MCM8: variants seen among roughly 807,000 people sequenced by gnomAD.
MCM8 encodes minichromosome maintenance 8 homologous recombination repair factor, also known as DNA helicase MCM8.
Under a neutral mutation model 98.9 loss-of-function variants are expected in MCM8, and 85 were observed. The observed-to-expected ratio is 0.86, with a 90% confidence interval of 0.72 to 1.03. The LOEUF is 1.03. MCM8 is among the 50% of genes least tolerant of loss of function. The pLI is 0.00. For missense variants in MCM8, 951 were observed against 997.8 expected, an observed-to-expected ratio of 0.95 and a Z score of 0.63; for synonymous variants, 352 against 338.6, an observed-to-expected ratio of 1.04 and a Z score of -0.44.
At chr20:5,983,562 T>C (rs1385079531) in intron 14 of MCM8, among the ~76,000 whole-genome samples, 1 of 152,062 alleles carries the variant, frequency 6.6e-6, no homozygotes, top group Non-Finnish European at 1.5e-5. Context: ...TAGCCAGGCA[T>C]GATGGCAGCC....
intron 17 of MCM8, among the ~76,000 whole-genome samples, chr20:5,992,543 A>G (rs6139886): frequency 0.069 from 10,467 of 152,210 alleles, 423 homozygotes; most frequent in Non-Finnish European, 0.097. Context: ...ATCTTAAAAG[A>G]GATTATGCTG....
intron 3 of MCM8, among the ~76,000 whole-genome samples, chr20:5,953,796 A>T (rs2122644592): frequency 6.6e-6 from 1 of 151,520 alleles, no homozygotes; most frequent in African/African-American, 2.4e-5. Flanking sequence ...TTTTAGGAAA[A>T]CTAGACGTTT....
Position 5,973,112 on chromosome 20 carries a change from T to G in MCM8, c.1311T>G (p.Asp437Glu). Residue 437 changes from aspartate (D) to glutamate (E), a missense_variant, in exon 12 of 19, where the codon GAT becomes GAG. By Grantham distance (45) the Asp-to-Glu change is conservative. Transcript: ENST00000610722. ...ALFGGSQKYA[D>E]DKNRIPIRGD... ...TTGGAGGAAGCCAGAAATACGCAGA[T>G]GACAAAAACAGAATTCCAATTCGGG... 6.2e-7 allele frequency: 1 copy of G among 1,614,218 alleles called. No homozygotes were observed. Among genetic ancestry groups the G allele is most frequent in the South Asian group, 1.1e-5 (1 of 91,080 alleles).
chr20:5,963,617 C>T (rs2122700994), intron 8 of MCM8, among the ~76,000 whole-genome samples: 1 of 150,678 alleles, frequency 6.6e-6, no homozygotes, highest in Non-Finnish European at 1.5e-5. Flanking sequence ...CAAGCTCTCC[C>T]TCTGGGTTCA....
At position 5,972,017 on chromosome 20, in the gene MCM8, C is replaced by A. The variant is rs1328714246; in HGVS notation, c.1234C>A (p.Pro412Thr). Reference protein sequence around the residue: ...LFKLIVNSLCPVIFGHELVKA... With the variant: ...LFKLIVNSLCTVIFGHELVKA... ...TGTTCTGTTTTTCAGCTCGCTTTGCCCTGTCATTTTTGGTCATGAAGTAAG... is the reference window on the plus strand; with the variant it reads ...TGTTCTGTTTTTCAGCTCGCTTTGCACTGTCATTTTTGGTCATGAAGTAAG... The change falls in exon 11 of 19, where the codon CCT (proline) becomes ACT (threonine). Residue 412 changes from proline (P) to threonine (T), a missense_variant. Transcript: ENST00000610722. The A allele has an allele frequency of 1.2e-6, 2 of 1,611,038 alleles. No individual in the cohort carries two copies. Among genetic ancestry groups the A allele is most frequent in the South Asian group, 2.2e-5 (2 of 90,584 alleles).
chr20:5,986,205 A>G, intron 16 of MCM8, 74 bp downstream of exon 16: 9 of 1,336,410 alleles, frequency 6.7e-6, no homozygotes, highest in Non-Finnish European at 9.6e-6. Context: ...CTTTTGAAGT[A>G]TTTTCTGCAT....
chr20:5,994,474 G>GACACAC lies in MCM8; in HGVS notation c.*86_*87insCACACA, dbSNP rs1361501135. 1.1e-5 allele frequency: 6 copies of GACACAC among 527,330 alleles called. No homozygotes were observed. The highest frequency in any genetic ancestry group is 9.4e-5 in the African/African-American group (3 of 31,992). The allele number at this position is 527,330 out of a possible 1,614,324, so 32.7% of individuals were successfully genotyped here. ...GAAGATATGCGTGCACGCACAGACA[G>GACACAC]ACAGACACACACACACACACACACA... On this transcript the variant is annotated 3_prime_UTR_variant, in exon 19 of 19. Transcript: ENST00000610722.
In MCM8 at chr20:5,997,406, C is replaced by G. The variant is rs2089973195; in HGVS notation, c.*3015C>G. The G allele has an allele frequency of 6.6e-6, 1 of 152,110 alleles. No individual in the cohort carries two copies. The highest frequency in any genetic ancestry group is 1.5e-5 in the Non-Finnish European group (1 of 68,078). The allele number at this position is 152,110 out of a possible 1,614,324, so 9.4% of individuals were successfully genotyped here. A position where few individuals can be genotyped will look rare whatever the true frequency, so the allele number is the denominator to read the frequency against. ...TGTTGGTGAGGCTGGTTTTTAACTCCCGAACTCAGGTGATTGCCTGCCTCG... is the reference window on the plus strand; with the variant it reads ...TGTTGGTGAGGCTGGTTTTTAACTCGCGAACTCAGGTGATTGCCTGCCTCG... On this transcript the variant is annotated 3_prime_UTR_variant, in exon 19 of 19. Transcript: ENST00000610722.
At chr20:5,990,846 A>T (rs1309456298) in intron 17 of MCM8, 1 of 152,242 alleles carries the variant, frequency 6.6e-6, no homozygotes, top group Non-Finnish European at 1.5e-5. Context: ...CTTACAGTCT[A>T]GAATGTGTGC....
At chr20:5,976,898 G>T (rs980719026) in intron 12 of MCM8, among the ~76,000 whole-genome samples, 2 of 152,194 alleles carry the variant, frequency 1.3e-5, no homozygotes, top group Non-Finnish European at 2.9e-5. Context: ...GTTGCTGTGA[G>T]CTAGGATTGT....
Position 5,985,958 on chromosome 20 carries a change from C to T in MCM8, c.1990C>T (p.Gln664Ter), listed in dbSNP as rs867775487. The T allele has an allele frequency of 1.9e-6, 3 of 1,614,074 alleles. No homozygotes were observed. Among genetic ancestry groups the T allele is most frequent in the African/African-American group, 1.3e-5 (1 of 74,926 alleles). The change falls in exon 16 of 19, where the codon CAG becomes TAG. Residue 664 changes from glutamine to a stop codon, truncating the protein, a stop_gained. Transcript: ENST00000610722. LOFTEE classifies it high-confidence loss of function. ...AGAAACAATAGATCCCATTCCCCAC[C>T]AGCTATTGAGAAAGTACATTGGCTA... ...PGETIDPIPH[Q>*]LLRKYIGYAR...
Position 5,973,039 on chromosome 20 carries a change from C to CT in MCM8, c.1255-11dup. On this transcript the variant is annotated splice_polypyrimidine_tract_variant and intron_variant, in intron 11 of 18. Transcript: ENST00000610722. ...GTTTTCCTTACTTCTGTTTTTTGTTCTTTTTTCGCACTTGAGCTTGTTAAA... is the reference window on the plus strand; with the variant it reads ...GTTTTCCTTACTTCTGTTTTTTGTTCTTTTTTTCGCACTTGAGCTTGTTAAA... 1.9e-6 allele frequency: 3 copies of CT among 1,609,528 alleles called. No individual in the cohort carries two copies. The highest frequency in any genetic ancestry group is 1.7e-6 in the Non-Finnish European group (2 of 1,177,272).
At chr20:5,962,996 G>A (rs1221684032) in intron 7 of MCM8, among the ~76,000 whole-genome samples, 1 of 152,178 alleles carries the variant, frequency 6.6e-6, no homozygotes, top group Non-Finnish European at 1.5e-5. Flanking sequence ...GAAGCAATAA[G>A]TGCTTCATGT....
intron 7 of MCM8, among the ~76,000 whole-genome samples, chr20:5,960,867 A>G (rs1054466283): frequency 2.0e-5 from 3 of 152,204 alleles, no homozygotes; most frequent in African/African-American, 7.2e-5. Context: ...CCCAAGAGGC[A>G]GAGGTTGCAG....
chr20:5,989,666 C>G (rs552419816), intron 17 of MCM8, among the ~76,000 whole-genome samples: 1 of 152,282 alleles, frequency 6.6e-6, no homozygotes, highest in South Asian at 2.1e-4. Flanking sequence ...ACCTAGTTGT[C>G]TCTTTGTCCC....
At position 5,951,880 on chromosome 20, in the gene MCM8, A is replaced by G. The variant is rs531943629; in HGVS notation, c.-5-131A>G. ...TATTTGGGTCTTGTATCATAGCTGT[A>G]CAACTTTGCAAGCCTGTTTGCTACT... On this transcript the variant is annotated intron_variant, in intron 1 of 18. Transcript: ENST00000610722. The G allele has an allele frequency of 7.9e-6, 8 of 1,015,064 alleles. No homozygotes were observed. The African/African-American group carries it at 9.8e-5, about 12-fold the overall frequency. 62.9% of individuals were successfully genotyped at this position (1,015,064 alleles called of 1,614,324 possible). A position where few individuals can be genotyped will look rare whatever the true frequency, so the allele number is the denominator to read the frequency against.
Position 5,952,451 on chromosome 20 carries a change from CAA to C in MCM8, c.178_179del (p.Lys60AspfsTer16), listed in dbSNP as rs755355009. ...CAAACCCCACAGTTTTTGCTTTCAA[CAA>C]AGACCCCACAGTCAATGCAGTCAAC... is the stretch of plus-strand genomic sequence containing the variant. On this transcript the variant is annotated frameshift_variant, in exon 3 of 19. Transcript: ENST00000610722. LOFTEE classifies it high-confidence loss of function. 6.2e-7 allele frequency: 1 copy of C among 1,613,918 alleles called. No homozygotes were observed. The highest frequency in any genetic ancestry group is 1.7e-5 in the Admixed American group (1 of 60,000).
At chr20:5,975,816 G>A (rs1412301799) in intron 12 of MCM8, among the ~76,000 whole-genome samples, 1 of 148,162 alleles carries the variant, frequency 6.7e-6, no homozygotes. Context: ...TTTAATAAAT[G>A]TTTCTTGGCA....
chr20:5,988,955 G>T (rs2089787858), intron 17 of MCM8, among the ~76,000 whole-genome samples: 1 of 152,076 alleles, frequency 6.6e-6, no homozygotes, highest in African/African-American at 2.4e-5. Flanking sequence ...ACCTGGAGCT[G>T]CCATGGCAGG....
Sources: gnomAD v4.1 joint callset for allele counts (sites outside exome capture counted in the v4.1 genomes callset) on GRCh38, gnomAD v4.1.1 for gene constraint, MANE v1.5 for transcripts, NCBI Gene and HGNC (gene_info 2026-07-23, HGNC 2026-07-21) for gene names.